The following CGNL1 variants were observed in gnomAD, a reference collection of about 807,000 sequenced individuals.
CGNL1 encodes cingulin-like protein 1.
In CGNL1, 132 loss-of-function variants were observed where a neutral mutation model predicts 141.2. That is an observed-to-expected ratio of 0.93 (90% confidence interval 0.81 to 1.08). CGNL1 has a LOEUF of 1.08. Among genes scored for constraint, CGNL1 ranks in the 50% least tolerant of loss-of-function variants. CGNL1 has a pLI of 0.00. For missense variants in CGNL1, 1,870 were observed against 1,588.6 expected (o/e 1.18, Z -3.01); for synonymous variants, 690 against 622.1 (o/e 1.11, Z -1.63).
At position 57,442,447 on chromosome 15, in the gene CGNL1, G is replaced by A. The variant is rs778457143; in HGVS notation, c.1772G>A (p.Arg591Gln). The A allele has an allele frequency of 1.7e-5, 27 of 1,612,750 alleles. No individual in the cohort carries two copies. Among genetic ancestry groups the A allele is most frequent in the East Asian group, 4.5e-5 (2 of 44,848 alleles). The change falls in exon 4 of 19, where the codon CGA (arginine) becomes CAA (glutamine). Residue 591 changes from arginine to glutamine, a missense_variant. Physicochemically the swap from Arg to Gln is conservative, Grantham distance 43. Transcript: ENST00000281282. The part of the protein sequence containing the change: ...VFEKIQTLKS[R>Q]AAGSAQGNNQ... ...GAGAAAATCCAGACCTTAAAGTCTC[G>A]AGCAGCTGGGAGCGCCCAAGGAAAT...
At chr15:57,425,043 A>G (rs2062957453) in intron 1 of CGNL1, among the ~76,000 whole-genome samples, 1 of 152,240 alleles carries the variant, frequency 6.6e-6, no homozygotes, top group African/African-American at 2.4e-5. Flanking sequence ...AGTGAACACT[A>G]AGAATCGTTG....
chr15:57,530,335 A>G (rs982281159), intron 13 of CGNL1, among the ~76,000 whole-genome samples: 1 of 152,126 alleles, frequency 6.6e-6, no homozygotes, highest in Non-Finnish European at 1.5e-5. Context: ...ATATTTAGCT[A>G]TTTTCTCATT....
intron 8 of CGNL1, among the ~76,000 whole-genome samples, chr15:57,465,709 A>C (rs566530084): frequency 6.6e-6 from 1 of 152,292 alleles, no homozygotes; most frequent in South Asian, 2.1e-4. Context: ...TATTACTTCA[A>C]TAGGTCTTAT....
intron 8 of CGNL1, chr15:57,478,331 C>T (rs1282799296): frequency 1.3e-5 from 2 of 152,278 alleles, no homozygotes; most frequent in Non-Finnish European, 2.9e-5. Context: ...AGAGCCTCCC[C>T]ATCCCCCAAG....
At chr15:57,422,899 C>G (rs1300316619) in intron 1 of CGNL1, among the ~76,000 whole-genome samples, 1 of 152,120 alleles carries the variant, frequency 6.6e-6, no homozygotes, top group African/African-American at 2.4e-5. Flanking sequence ...AGTGACTCAT[C>G]TAAGGGAAGG....
intron 8 of CGNL1, among the ~76,000 whole-genome samples, chr15:57,470,256 CTTTT>C (rs60982599): frequency 3.5e-5 from 4 of 113,984 alleles, no homozygotes; most frequent in Admixed American, 1.0e-4. Context: ...TTTTGTCTCT[CTTTT>C]TTTTTTTTTT....
chr15:57,482,085 G>A (rs1487895859), intron 8 of CGNL1, among the ~76,000 whole-genome samples: 1 of 151,198 alleles, frequency 6.6e-6, no homozygotes, highest in Non-Finnish European at 1.5e-5. Flanking sequence ...CATGTCTTTT[G>A]CCCATTTCCT....
chr15:57,530,652 C>G (rs1278159437), intron 13 of CGNL1, among the ~76,000 whole-genome samples: 1 of 152,118 alleles, frequency 6.6e-6, no homozygotes, highest in Non-Finnish European at 1.5e-5. Context: ...GTGCAGGGCC[C>G]AGCTCCAATC....
At chr15:57,440,079 CAA>C (rs1221806145) in intron 2 of CGNL1, among the ~76,000 whole-genome samples, 1 of 114,074 alleles carries the variant, frequency 8.8e-6, no homozygotes, top group Non-Finnish European at 1.9e-5. Context: ...TTGATAGTAA[CAA>C]TAAAAAATAA....
chr15:57,473,102 A>G (rs1875072149), intron 8 of CGNL1, among the ~76,000 whole-genome samples: 1 of 152,194 alleles, frequency 6.6e-6, no homozygotes, highest in African/African-American at 2.4e-5. Context: ...TGGTCAAGCC[A>G]CAAGAATTGG....
chr15:57,410,668 CT>C (rs1333083275), intron 1 of CGNL1, among the ~76,000 whole-genome samples: 1 of 152,292 alleles, frequency 6.6e-6, no homozygotes, highest in East Asian at 1.9e-4. Flanking sequence ...AAAATAAATT[CT>C]TTCCACAATA....
At chr15:57,380,644 G>C (rs747375146) in intron 1 of CGNL1, among the ~76,000 whole-genome samples, 1 of 152,132 alleles carries the variant, frequency 6.6e-6, no homozygotes, top group African/African-American at 2.4e-5. Flanking sequence ...GGAAATGTCC[G>C]ACTCCAGGAG....
intron 1 of CGNL1, chr15:57,394,032 C>T (rs2591063): frequency 0.63 from 91,078 of 145,622 alleles, 29,050 homozygotes; most frequent in East Asian, 0.85. Context: ...AGGCTCAAGC[C>T]ATCCTCCCAT....
At chr15:57,543,174 T>A (rs1307186059) in intron 14 of CGNL1, among the ~76,000 whole-genome samples, 1 of 152,128 alleles carries the variant, frequency 6.6e-6, no homozygotes, top group Non-Finnish European at 1.5e-5. Context: ...TTTCTGGCAA[T>A]CTTTGGTAAT....
At chr15:57,524,795 A>G (rs1595796574) in intron 12 of CGNL1, 44 bp downstream of exon 12, 1 of 1,590,988 alleles carries the variant, frequency 6.3e-7, no homozygotes, top group Non-Finnish European at 8.6e-7. Flanking sequence ...CCTTATTCAA[A>G]GTATCCTTTG....
intron 8 of CGNL1, 29 bp from the exon 9 acceptor site, chr15:57,516,751 C>G (rs933446393): frequency 4.3e-6 from 7 of 1,609,502 alleles, no homozygotes; most frequent in Non-Finnish European, 5.9e-6. Context: ...CATCAGTCTC[C>G]TTGTTCATTT....
intron 10 of CGNL1, 27 bp downstream of exon 10, chr15:57,518,524 C>A (rs1167395033): frequency 4.7e-6 from 7 of 1,490,820 alleles, no homozygotes; most frequent in Non-Finnish European, 5.6e-6. Flanking sequence ...GTTGTCATTA[C>A]TCCCTCAAGA....
At chr15:57,519,218 A>T (rs2031071748) in intron 10 of CGNL1, among the ~76,000 whole-genome samples, 1 of 152,162 alleles carries the variant, frequency 6.6e-6, no homozygotes, top group Admixed American at 6.5e-5. Context: ...GGCTCTCGGG[A>T]TGCTGCTTAA....
At chr15:57,449,749 C>T (rs552622505) in intron 4 of CGNL1, among the ~76,000 whole-genome samples, 8 of 152,204 alleles carry the variant, frequency 5.3e-5, no homozygotes, top group South Asian at 2.1e-4. Context: ...TCTGGCAACC[C>T]GTAATCTTTT....
Sources: allele counts gnomAD v4.1 joint callset (sites outside exome capture counted in the v4.1 genomes callset), GRCh38; gene constraint gnomAD v4.1.1; transcripts MANE v1.5; gene names NCBI Gene and HGNC (gene_info 2026-07-23, HGNC 2026-07-21).